TNNI3K: variants seen among roughly 807,000 people sequenced by gnomAD.
TNNI3K encodes serine/threonine-protein kinase TNNI3K.
In TNNI3K, 140 loss-of-function variants were observed where a neutral mutation model predicts 114.5. The ratio of observed to expected loss-of-function variants is 1.22; its 90% CI spans 1.07 to 1.41. The LOEUF is 1.41. Ranked by LOEUF, TNNI3K falls within the 40% of genes most tolerant of loss-of-function variation. The probability of loss-of-function intolerance (pLI) is 0.00; values close to 1 mark genes in which losing one functional copy is unlikely to be tolerated. For synonymous variants in TNNI3K, 347 were observed against 347.5 expected (o/e 1.00, Z 0.02); for missense variants, 1,125 against 1,007.6 (o/e 1.12, Z -1.58).
At chr1:74,445,693 T>C (rs1386841131) in intron 20 of TNNI3K, among the ~76,000 whole-genome samples, 2 of 147,890 alleles carry the variant, frequency 1.4e-5, no homozygotes, top group African/African-American at 5.1e-5. Context: ...TCACTGCAAG[T>C]TCCGCCTCCC....
intron 5 of TNNI3K, among the ~76,000 whole-genome samples, chr1:74,311,488 T>C (rs897743587): frequency 2.6e-5 from 4 of 152,202 alleles, no homozygotes; most frequent in Non-Finnish European, 4.4e-5. Flanking sequence ...TCTTGTATTT[T>C]TCTATGAAAA....
At chr1:74,350,279 GTTTTGTGTGAGT>G (rs1459862914) in intron 9 of TNNI3K, among the ~76,000 whole-genome samples, 1 of 152,204 alleles carries the variant, frequency 6.6e-6, no homozygotes, top group Non-Finnish European at 1.5e-5. Flanking sequence ...TAGTTGAGCA[GTTTTGTGTGAGT>G]TACTTAATCC....
At chr1:74,316,065 A>G (rs777956626) in intron 5 of TNNI3K, among the ~76,000 whole-genome samples, 8 of 152,242 alleles carry the variant, frequency 5.3e-5, no homozygotes, top group Non-Finnish European at 1.2e-4. Flanking sequence ...ATTATTAAAC[A>G]AATATTTACC....
chr1:74,363,501 G>C (rs1411817500), intron 11 of TNNI3K, among the ~76,000 whole-genome samples: 1 of 152,042 alleles, frequency 6.6e-6, no homozygotes, highest in Non-Finnish European at 1.5e-5. Context: ...AATGAAAACT[G>C]CTCAGAGCAA....
chr1:74,299,187 T>C (rs571152150), intron 5 of TNNI3K, among the ~76,000 whole-genome samples: 1 of 152,260 alleles, frequency 6.6e-6, no homozygotes, highest in South Asian at 2.1e-4. Flanking sequence ...ACTGTAAATG[T>C]AGCAGCCTCT....
At chr1:74,400,591 G>T (rs1664307838) in intron 17 of TNNI3K, among the ~76,000 whole-genome samples, 2 of 152,168 alleles carry the variant, frequency 1.3e-5, no homozygotes, top group South Asian at 4.1e-4. Context: ...ACTTGCAAAA[G>T]TCTATCATTG....
intron 22 of TNNI3K, among the ~76,000 whole-genome samples, chr1:74,491,225 G>A (rs947536236): frequency 2.6e-5 from 4 of 152,082 alleles, no homozygotes; most frequent in African/African-American, 9.7e-5. Flanking sequence ...GTTTTTGTTT[G>A]TTTGTTTGTT....
intron 3 of TNNI3K, 40 bp downstream of exon 3, chr1:74,249,584 T>C (rs1229900785): frequency 6.3e-7 from 1 of 1,594,520 alleles, no homozygotes; most frequent in South Asian, 1.1e-5. Flanking sequence ...ACTGGTTATA[T>C]GTGTATATCG....
At chr1:74,326,549 T>G (rs534571639) in intron 5 of TNNI3K, among the ~76,000 whole-genome samples, 6 of 152,268 alleles carry the variant, frequency 3.9e-5, no homozygotes, top group Admixed American at 3.9e-4. Context: ...GAAAAATCCT[T>G]TTACCTGGAG....
intron 21 of TNNI3K, among the ~76,000 whole-genome samples, chr1:74,483,097 A>T (rs1229532011): frequency 6.6e-6 from 1 of 152,254 alleles, no homozygotes; most frequent in East Asian, 1.9e-4. Context: ...CATCAGGAAC[A>T]GGAAAATAAA....
At chr1:74,268,399 G>A (rs1656141812) in intron 4 of TNNI3K, among the ~76,000 whole-genome samples, 1 of 151,824 alleles carries the variant, frequency 6.6e-6, no homozygotes, top group Admixed American at 6.6e-5. Flanking sequence ...GGAATTCTCA[G>A]TTTCTGGCAG....
intron 17 of TNNI3K, chr1:74,373,630 A>G (rs924490189): frequency 6.6e-6 from 1 of 151,898 alleles, no homozygotes; most frequent in African/African-American, 2.4e-5. Flanking sequence ...GTGGATTTCT[A>G]TGAGTGTCAT....
At chr1:74,501,387 C>A (rs866016963) in intron 23 of TNNI3K, among the ~76,000 whole-genome samples, 4 of 152,174 alleles carry the variant, frequency 2.6e-5, no homozygotes, top group Non-Finnish European at 5.9e-5. Flanking sequence ...TACTTTTCTT[C>A]TTTTATTTCT....
At chr1:74,320,141 C>T (rs1008342607) in intron 5 of TNNI3K, among the ~76,000 whole-genome samples, 1 of 152,124 alleles carries the variant, frequency 6.6e-6, no homozygotes, top group Non-Finnish European at 1.5e-5. Context: ...ATTATTTAGC[C>T]ACCCTGTATT....
At chr1:74,350,771 C>G (rs1337637973) in intron 9 of TNNI3K, among the ~76,000 whole-genome samples, 9 of 152,026 alleles carry the variant, frequency 5.9e-5, no homozygotes, top group Admixed American at 5.9e-4. Context: ...CTGTTTTATC[C>G]AAGAGTAGGA....
At chr1:74,471,865 A>C in intron 21 of TNNI3K, 2 of 452,876 alleles carry the variant, frequency 4.4e-6, no homozygotes, top group East Asian at 3.4e-5. Flanking sequence ...CTTTTCTTTC[A>C]TGTAATCTTC....
At chr1:74,294,550 CAA>C (rs975413717) in intron 5 of TNNI3K, among the ~76,000 whole-genome samples, 2 of 151,540 alleles carry the variant, frequency 1.3e-5, no homozygotes, top group Non-Finnish European at 3.0e-5. Flanking sequence ...ACACAAAAAT[CAA>C]AAAAAGTGTG....
chr1:74,522,696 C>A (rs1380592124), intron 23 of TNNI3K, among the ~76,000 whole-genome samples: 2 of 151,952 alleles, frequency 1.3e-5, no homozygotes, highest in Non-Finnish European at 2.9e-5. Context: ...CCCCAGGAAG[C>A]AATCCCAGAA....
rs1171254951 is a variant in TNNI3K, at chr1:74,472,007, A to T, written c.2121+8457A>T. 7 of 680,192 alleles carry T rather than the reference A, an allele frequency of 1.0e-5. No homozygotes were observed. The East Asian group carries it at 1.6e-4, about 16-fold the overall frequency. The allele number at this position is 680,192 out of a possible 1,614,324, so 42.1% of individuals were successfully genotyped here. A position where few individuals can be genotyped will look rare whatever the true frequency, so the allele number is the denominator to read the frequency against. ...TTTTTTTGTACGATCTTTTGTACAT[A>T]GTGTTCCTCAGGCTCACAAGGCTTG... is the stretch of plus-strand genomic sequence containing the variant. On this transcript the variant is annotated intron_variant, in intron 21 of 24. Transcript: ENST00000326637.
Sources: allele counts gnomAD v4.1 joint callset (sites outside exome capture counted in the v4.1 genomes callset), GRCh38; gene constraint gnomAD v4.1.1; transcripts MANE v1.5; gene names NCBI Gene and HGNC (gene_info 2026-07-23, HGNC 2026-07-21).